Variants in RAMP3 observed in about 807,000 individuals in gnomAD.
The protein encoded by RAMP3 is receptor activity-modifying protein 3.
In RAMP3, 14 loss-of-function variants were observed where a neutral mutation model predicts 13.5. That is an observed-to-expected ratio of 1.04 (90% confidence interval 0.69 to 1.63). The LOEUF (loss-of-function observed/expected upper bound fraction) is 1.63. Among genes scored for constraint, RAMP3 ranks in the 40% most tolerant of loss-of-function variants. The pLI is 0.00. For synonymous variants in RAMP3, 106 were observed against 88.3 expected, an observed-to-expected ratio of 1.20 and a Z score of -1.12; for missense variants, 200 against 204.8, an observed-to-expected ratio of 0.98 and a Z score of 0.14.
rs771410083 is a variant in RAMP3 at position 45,183,347 on chromosome 7, G to A, written c.382G>A (p.Val128Ile). 54 of 1,613,802 alleles carry A rather than the reference G, an allele frequency of 3.3e-5. No homozygotes were observed. The highest frequency in any genetic ancestry group is 6.7e-5 in the African/African-American group (5 of 74,938). Residue 128 changes from valine to isoleucine, a missense_variant, in exon 3 of 3, where the codon GTT becomes ATT. Coordinates refer to ENST00000242249, the MANE Select transcript of RAMP3 (RefSeq NM_005856.3). Reference sequence around the variant, plus strand: ...CATCCCGCTGATCGTTATACCCGTCGTTCTGACTGTCGCCATGGCTGGCCT... The same window carrying A: ...CATCCCGCTGATCGTTATACCCGTCATTCTGACTGTCGCCATGGCTGGCCT... Reference protein sequence around the residue: ...VLIPLIVIPVVLTVAMAGLVV... With the variant: ...VLIPLIVIPVILTVAMAGLVV...
intron 1 of RAMP3, among the ~76,000 whole-genome samples, chr7:45,169,084 G>A (rs145289829): frequency 5.6e-4 from 86 of 152,228 alleles, no homozygotes; most frequent in Non-Finnish European, 1.0e-3. Context: ...ATGAATTGAC[G>A]TTCTTATGTT....
intron 1 of RAMP3, among the ~76,000 whole-genome samples, chr7:45,176,803 T>C (rs548037553): frequency 6.6e-6 from 1 of 152,344 alleles, no homozygotes; most frequent in South Asian, 2.1e-4. Context: ...TGCAGTGGCC[T>C]CAGCCCCTGG....
intron 1 of RAMP3, among the ~76,000 whole-genome samples, chr7:45,177,016 A>G (rs559580686): frequency 1.5e-4 from 23 of 152,310 alleles, no homozygotes; most frequent in African/African-American, 5.5e-4. Flanking sequence ...ACCACCTCCC[A>G]AGGAGTTTGG....
intron 1 of RAMP3, 134 bp downstream of exon 1, chr7:45,158,020 C>A (rs1785792894): frequency 1.1e-6 from 1 of 888,102 alleles, no homozygotes; most frequent in Non-Finnish European, 1.5e-6. Flanking sequence ...CGCACAGTGA[C>A]CCTGGCGGGA....
intron 2 of RAMP3, among the ~76,000 whole-genome samples, chr7:45,178,725 G>A (rs1342704096): frequency 2.6e-5 from 4 of 152,232 alleles, no homozygotes; most frequent in African/African-American, 9.6e-5. Flanking sequence ...GGAAGAGGAG[G>A]TCATAGCTTC....
chr7:45,173,549 G>C (rs1786119935), intron 1 of RAMP3, among the ~76,000 whole-genome samples: 2 of 152,332 alleles, frequency 1.3e-5, no homozygotes, highest in South Asian at 4.1e-4. Flanking sequence ...CCCTATGAAG[G>C]TCCCAGCTGT....
intron 1 of RAMP3, among the ~76,000 whole-genome samples, chr7:45,160,015 C>T (rs1187182554): frequency 6.6e-6 from 1 of 152,142 alleles, no homozygotes; most frequent in Non-Finnish European, 1.5e-5. Flanking sequence ...GGTTGGATAG[C>T]AGTAACTCTG....
chr7:45,174,143 G>C (rs562429880), intron 1 of RAMP3, among the ~76,000 whole-genome samples: 1 of 152,264 alleles, frequency 6.6e-6, no homozygotes, highest in East Asian at 1.9e-4. Context: ...GGGTACCGTG[G>C]GTGAAGACAG....
At position 45,157,863 on chromosome 7, in the gene RAMP3, T is replaced by C; in HGVS notation, c.35T>C (p.Leu12Pro). 1 of 1,408,984 alleles carries C rather than the reference T, an allele frequency of 7.1e-7. No individual in the cohort carries two copies. Among genetic ancestry groups the C allele is most frequent in the South Asian group, 1.6e-5 (1 of 63,146 alleles). 87.3% of individuals were successfully genotyped at this position (1,408,984 alleles called of 1,614,324 possible). ...GGAGCGCTGCGGCGCCCGCAACTTC[T>C]CCCGTTGCTGCTGCTGCTCTGCGGT... ...ETGALRRPQLLPLLLLLCGGC... is the reference protein window; with the variant it reads ...ETGALRRPQLPPLLLLLCGGC... The change falls in exon 1 of 3, where the codon CTC (leucine) becomes CCC (proline). Residue 12 changes from leucine (L) to proline (P), a missense_variant. Transcript: ENST00000242249.
chr7:45,183,008 C>T lies in RAMP3; in HGVS notation c.192-149C>T, dbSNP rs570560039. 1.7e-5 allele frequency: 19 copies of T among 1,100,690 alleles called. No homozygotes were observed. The African/African-American group carries it at 2.8e-4, about 16-fold the overall frequency. 68.2% of individuals were successfully genotyped at this position (1,100,690 alleles called of 1,614,324 possible). A position where few individuals can be genotyped will look rare whatever the true frequency, so the allele number is the denominator to read the frequency against. ...TCATGGGCACAGATGACCCTGTGGC[C>T]AGAATGGGGATTTTCCAAGGCTGGG... On this transcript the variant is annotated intron_variant, in intron 2 of 2. Coordinates refer to ENST00000242249, the MANE Select transcript of RAMP3 (RefSeq NM_005856.3).
intron 2 of RAMP3, among the ~76,000 whole-genome samples, chr7:45,177,695 C>T (rs1377879029): frequency 6.6e-6 from 1 of 152,154 alleles, no homozygotes; most frequent in East Asian, 1.9e-4. Context: ...TCACTCACGG[C>T]CCCGCCCATG....
chr7:45,164,612 TGC>T (rs1785923208), intron 1 of RAMP3, among the ~76,000 whole-genome samples: 1 of 152,256 alleles, frequency 6.6e-6, no homozygotes. Flanking sequence ...GTTCTGTTTT[TGC>T]CTTGTGTGTT....
intron 1 of RAMP3, among the ~76,000 whole-genome samples, chr7:45,176,443 GCA>G (rs757286658): frequency 5.2e-5 from 7 of 133,398 alleles, no homozygotes; most frequent in East Asian, 2.4e-4. Flanking sequence ...GGCTGTGCGT[GCA>G]CACACACACA....
Position 45,183,775 on chromosome 7 carries a change from C to G in RAMP3, c.*363C>G. The G allele has an allele frequency of 1.9e-6, 1 of 538,850 alleles. No individual in the cohort carries two copies. Among genetic ancestry groups the G allele is most frequent in the East Asian group, 2.9e-5 (1 of 34,554 alleles). The allele number at this position is 538,850 out of a possible 1,614,324, so 33.4% of individuals were successfully genotyped here. A position where few individuals can be genotyped will look rare whatever the true frequency, so the allele number is the denominator to read the frequency against. On this transcript the variant is annotated 3_prime_UTR_variant, in exon 3 of 3. Transcript: ENST00000242249. Reference sequence around the variant, plus strand: ...TTCTTAGCACAGAATCCAGCCTAGCCTTAGCCGCAGTCTAGGCCCTGCTTG... The same window carrying G: ...TTCTTAGCACAGAATCCAGCCTAGCGTTAGCCGCAGTCTAGGCCCTGCTTG...
chr7:45,169,821 C>T (rs1786044457), intron 1 of RAMP3, among the ~76,000 whole-genome samples: 1 of 152,170 alleles, frequency 6.6e-6, no homozygotes, highest in Admixed American at 6.5e-5. Flanking sequence ...CTAGTTTTAA[C>T]TTGATTACCT....
chr7:45,168,791 C>T (rs937036174), intron 1 of RAMP3, among the ~76,000 whole-genome samples: 11 of 152,150 alleles, frequency 7.2e-5, no homozygotes, highest in Non-Finnish European at 1.5e-4. Context: ...ATTGCTCTGG[C>T]TAGAACTTCC....
At chr7:45,178,647 G>C (rs117228429) in intron 2 of RAMP3, among the ~76,000 whole-genome samples, 1 of 152,242 alleles carries the variant, frequency 6.6e-6, no homozygotes, top group Non-Finnish European at 1.5e-5. Flanking sequence ...GGTTTTGCAG[G>C]CTCCTCCTGG....
intron 1 of RAMP3, among the ~76,000 whole-genome samples, chr7:45,175,497 A>G (rs531212652): frequency 4.9e-4 from 75 of 152,290 alleles, no homozygotes; most frequent in African/African-American, 1.6e-3. Flanking sequence ...CCTCTGTCCA[A>G]CTTTACCAGC....
intron 1 of RAMP3, among the ~76,000 whole-genome samples, chr7:45,174,973 T>C (rs914480356): frequency 1.1e-4 from 17 of 152,168 alleles, no homozygotes; most frequent in Admixed American, 9.8e-4. Flanking sequence ...TGAGCCACCA[T>C]CTCCATGTGC....
Sources: gnomAD v4.1 joint callset for allele counts (sites outside exome capture counted in the v4.1 genomes callset) on GRCh38, gnomAD v4.1.1 for gene constraint, MANE v1.5 for transcripts, NCBI Gene and HGNC (gene_info 2026-07-23, HGNC 2026-07-21) for gene names.